Variants in SLIT3 observed in about 807,000 individuals in gnomAD.
The protein encoded by SLIT3 is slit guidance ligand 3, also known as slit homolog 3 protein.
A neutral mutation model predicts 184.0 loss-of-function variants in SLIT3; 68 were observed. The ratio of observed to expected loss-of-function variants is 0.37; its 90% confidence interval spans 0.30 to 0.45. SLIT3 has a LOEUF of 0.45. SLIT3 is among the 20% of genes least tolerant of loss of function. SLIT3 has a pLI of 1.00. For missense variants in SLIT3, 1,707 were observed against 2,026.0 expected (o/e 0.84, Z 3.02); for synonymous variants, 831 against 828.6 (o/e 1.00, Z -0.05).
rs940337486 is a variant in SLIT3 at position 168,986,556 on chromosome 5, C to T, written c.414-103220G>A. On this transcript the variant is annotated intron_variant, in intron 4 of 35. Coordinates refer to ENST00000519560, the MANE Select transcript of SLIT3 (RefSeq NM_003062.4). ...CTCAGTGTCCTCGTCCATCCCACCCCTGCACGCTCTCTCCTTTATCATAAC... is the reference window on the plus strand; with the variant it reads ...CTCAGTGTCCTCGTCCATCCCACCCTTGCACGCTCTCTCCTTTATCATAAC... 2.0e-5 allele frequency among the ~76,000 whole-genome samples: 3 copies of T among 152,290 alleles called. No homozygotes were observed. The South Asian group carries it at 6.2e-4, about 32-fold the overall frequency.
chr5:168,809,890 G>A (rs1381154709), intron 8 of SLIT3, among the ~76,000 whole-genome samples: 1 of 152,204 alleles, frequency 6.6e-6, no homozygotes, highest in East Asian at 1.9e-4. Context: ...CTGGTAGGTA[G>A]GATGAGCTGT....
At chr5:168,847,796 A>T (rs572791166) in intron 5 of SLIT3, among the ~76,000 whole-genome samples, 1 of 152,236 alleles carries the variant, frequency 6.6e-6, no homozygotes, top group African/African-American at 2.4e-5. Context: ...TCGATTTAGC[A>T]GTTTGCTTCT....
chr5:168,787,788 G>A (rs917284764), intron 11 of SLIT3, among the ~76,000 whole-genome samples: 5 of 152,034 alleles, frequency 3.3e-5, no homozygotes, highest in African/African-American at 9.7e-5. Context: ...ATGAATGCAC[G>A]CACAGGTAAG....
At chr5:169,166,736 G>A (rs1417066363) in intron 4 of SLIT3, among the ~76,000 whole-genome samples, 2 of 152,168 alleles carry the variant, frequency 1.3e-5, no homozygotes, top group Non-Finnish European at 2.9e-5. Context: ...ACAGGTGAGA[G>A]TAACTCCAGA....
chr5:168,894,240 C>T (rs1324228732), intron 4 of SLIT3, among the ~76,000 whole-genome samples: 2 of 152,094 alleles, frequency 1.3e-5, no homozygotes, highest in Admixed American at 6.6e-5. Flanking sequence ...TTCACCATGC[C>T]GACTATGGGG....
intron 5 of SLIT3, among the ~76,000 whole-genome samples, chr5:168,854,156 G>A (rs1758773541): frequency 6.6e-6 from 1 of 152,150 alleles, no homozygotes; most frequent in South Asian, 2.1e-4. Context: ...TTACCCATCA[G>A]GCTATTCCAC....
chr5:168,740,032 A>G (rs1763572643), intron 20 of SLIT3, among the ~76,000 whole-genome samples: 1 of 152,212 alleles, frequency 6.6e-6, no homozygotes, highest in South Asian at 2.1e-4. Flanking sequence ...AGTGTTAGTA[A>G]TATGATCAAT....
intron 4 of SLIT3, among the ~76,000 whole-genome samples, chr5:169,088,666 G>C (rs941790811): frequency 6.6e-6 from 1 of 152,016 alleles, no homozygotes; most frequent in Admixed American, 6.6e-5. Context: ...GCTGCACCTG[G>C]CTGGGTATCC....
intron 4 of SLIT3, among the ~76,000 whole-genome samples, chr5:169,081,570 A>G (rs1759058483): frequency 6.6e-6 from 1 of 152,012 alleles, no homozygotes; most frequent in Non-Finnish European, 1.5e-5. Flanking sequence ...TTCTTCCCTC[A>G]GGGCCCCCGA....
At chr5:168,957,804 G>A (rs1393440913) in intron 4 of SLIT3, among the ~76,000 whole-genome samples, 2 of 152,164 alleles carry the variant, frequency 1.3e-5, no homozygotes, top group Non-Finnish European at 2.9e-5. Context: ...TGCCACCGCT[G>A]CTAGATCTGC....
intron 6 of SLIT3, among the ~76,000 whole-genome samples, chr5:168,836,979 A>T (rs1470777025): frequency 6.6e-6 from 1 of 152,150 alleles, no homozygotes; most frequent in Non-Finnish European, 1.5e-5. Context: ...TTTCAAAGTA[A>T]TTTTTACTTT....
intron 26 of SLIT3, chr5:168,707,350 G>A (rs1762404170): frequency 6.5e-6 from 1 of 154,196 alleles, no homozygotes; most frequent in Non-Finnish European, 1.4e-5. Flanking sequence ...ATATCCACAG[G>A]GGTCAGCAGA....
chr5:168,772,826 T>A lies in SLIT3; in HGVS notation c.1414A>T (p.Asn472Tyr). ...CTCTTGATCTGGCTGATGCGCTTGT[T>A]GGCGAGTCGGCGCGGGCTGCTGCAG... is the stretch of plus-strand genomic sequence containing the variant. ...ARCSSPRRLA[N>Y]KRISQIKSKK... The change falls in exon 14 of 36, where the codon AAC (asparagine) becomes TAC (tyrosine). Residue 472 changes from asparagine (N) to tyrosine (Y), a missense_variant. By Grantham distance (143) the Asn-to-Tyr change is moderately radical. This residue lies in a region of SLIT3 where 1,307 missense variants were observed against 1,511.6 expected (regional missense o/e 0.86). Transcript: ENST00000519560. 2 of 1,614,114 alleles carry A rather than the reference T, an allele frequency of 1.2e-6. No individual in the cohort carries two copies. The highest frequency in any genetic ancestry group is 1.7e-6 in the Non-Finnish European group (2 of 1,180,024).
At position 168,897,416 on chromosome 5, in the gene SLIT3, T is replaced by TGA. The variant is rs138218818; in HGVS notation, c.414-14082_414-14081dup. Among the ~76,000 whole-genome samples, 1,049 of 148,452 alleles carry TGA rather than the reference T, an allele frequency of 7.1e-3. 8 individuals carry two copies. The highest frequency in any genetic ancestry group is 0.035 in the South Asian group (163 of 4,656). On this transcript the variant is annotated intron_variant, in intron 4 of 35. Transcript: ENST00000519560. The stretch of plus-strand genomic sequence containing the variant: ...CTTTAAAGATAGACAGATATAAAGA[T>TGA]GAGAGAGAGAGAGAGACAGAGAGAG...
intron 4 of SLIT3, among the ~76,000 whole-genome samples, chr5:168,895,123 T>C (rs1041591144): frequency 2.0e-5 from 3 of 152,198 alleles, no homozygotes; most frequent in South Asian, 2.1e-4. Context: ...TTGGGAGAAG[T>C]TGAAGCCACT....
rs995608441 is a variant in SLIT3, at chr5:168,671,179, G to C, written c.4127+19C>G. 6.3e-6 allele frequency: 10 copies of C among 1,596,152 alleles called. No homozygotes were observed. In the African/African-American group the frequency reaches 6.7e-5, roughly 11 times the overall value. On this transcript the variant is annotated intron_variant, in intron 34 of 35. Transcript: ENST00000519560. ...TTCTGGGAGCTCGAGCACACAGCCA[G>C]GGCTCCTGGGACACTGACCTGTGGC...
intron 32 of SLIT3, among the ~76,000 whole-genome samples, chr5:168,674,489 CTTTT>C (rs141548947): frequency 2.5e-5 from 3 of 119,898 alleles, no homozygotes; most frequent in African/African-American, 6.4e-5. Context: ...GGGATATTCA[CTTTT>C]TTTTTTTTTT....
intron 3 of SLIT3, among the ~76,000 whole-genome samples, chr5:169,240,434 C>T (rs146405164): frequency 3.3e-5 from 5 of 151,690 alleles, no homozygotes; most frequent in African/African-American, 1.2e-4. Context: ...CATACAAATA[C>T]AGATTTGGTA....
At chr5:168,830,252 C>T (rs1219391645) in intron 6 of SLIT3, among the ~76,000 whole-genome samples, 1 of 152,156 alleles carries the variant, frequency 6.6e-6, no homozygotes, top group East Asian at 1.9e-4. Flanking sequence ...CCCGCTCAGC[C>T]CAGGGCCTCC....
Sources: allele counts gnomAD v4.1 joint callset (sites outside exome capture counted in the v4.1 genomes callset), GRCh38; gene constraint gnomAD v4.1.1; regional missense constraint gnomAD v4.1.1; transcripts MANE v1.5; gene names NCBI Gene and HGNC (gene_info 2026-07-23, HGNC 2026-07-21).